Variants in PHACTR1 observed in about 807,000 individuals in gnomAD.
The protein encoded by PHACTR1 is phosphatase and actin regulator 1.
A neutral mutation model predicts 69.2 loss-of-function variants in PHACTR1; 16 were observed. The observed-to-expected ratio is 0.23, with a 90% confidence interval of 0.16 to 0.35. The LOEUF is 0.35. Ranked by LOEUF, PHACTR1 falls within the 10% of genes least tolerant of loss-of-function variation. The pLI is 1.00. For synonymous variants in PHACTR1, 312 were observed against 284.5 expected, an observed-to-expected ratio of 1.10 and a Z score of -0.97; for missense variants, 510 against 734.7, an observed-to-expected ratio of 0.69 and a Z score of 3.54.
At chr6:12,916,793 C>A (rs1033242056) in intron 4 of PHACTR1, among the ~76,000 whole-genome samples, 10 of 152,120 alleles carry the variant, frequency 6.6e-5, no homozygotes, top group Non-Finnish European at 8.8e-5. Context: ...TAATATAAAG[C>A]ATAATGTTGA....
At chr6:13,024,080 GAAA>G (rs59385709) in intron 4 of PHACTR1, among the ~76,000 whole-genome samples, 2 of 131,216 alleles carry the variant, frequency 1.5e-5, no homozygotes, top group African/African-American at 5.4e-5. Flanking sequence ...CTGTCTCAAA[GAAA>G]AAAAAAAAAA....
chr6:12,798,039 GACACACAC>G (rs10529531), intron 4 of PHACTR1, among the ~76,000 whole-genome samples: 2 of 137,784 alleles, frequency 1.5e-5, no homozygotes, highest in South Asian at 2.4e-4. Context: ...TCATTTCCTA[GACACACAC>G]ACACACACAC....
chr6:13,129,564 A>AC (rs375724205), intron 5 of PHACTR1, among the ~76,000 whole-genome samples: 4 of 152,164 alleles, frequency 2.6e-5, no homozygotes, highest in African/African-American at 9.6e-5. Flanking sequence ...AAAAATAGGG[A>AC]CTTACATAAT....
At chr6:12,911,276 CTA>C (rs1264301177) in intron 4 of PHACTR1, among the ~76,000 whole-genome samples, 1 of 152,010 alleles carries the variant, frequency 6.6e-6, no homozygotes. Flanking sequence ...TGTGTTTCTT[CTA>C]GTTTCTGCAG....
intron 4 of PHACTR1, among the ~76,000 whole-genome samples, chr6:12,912,122 C>T (rs1236134469): frequency 2.0e-5 from 3 of 152,156 alleles, no homozygotes; most frequent in African/African-American, 4.8e-5. Context: ...CTCAGCCTCT[C>T]GAGTAGCTGG....
rs1767818221 is a variant in PHACTR1 at position 12,759,712 on chromosome 6, A to G, written c.250+9922A>G. On this transcript the variant is annotated intron_variant, in intron 4 of 14. Coordinates refer to ENST00000332995, the MANE Select transcript of PHACTR1 (RefSeq NM_030948.6). ...CTTTTTACCCACACAGTCATAAAAT[A>G]TAGTTTTTGATACTTTATGTAGTGA... Among the ~76,000 whole-genome samples, 4 of 152,206 alleles carry G rather than the reference A, an allele frequency of 2.6e-5. No individual in the cohort carries two copies. The South Asian group carries it at 8.3e-4, about 32-fold the overall frequency.
At chr6:12,837,322 A>T (rs1332494530) in intron 4 of PHACTR1, among the ~76,000 whole-genome samples, 1 of 152,232 alleles carries the variant, frequency 6.6e-6, no homozygotes, top group Non-Finnish European at 1.5e-5. Context: ...ATATACTTTT[A>T]AAATTACTGT....
At chr6:12,861,701 G>T (rs1780956654) in intron 4 of PHACTR1, among the ~76,000 whole-genome samples, 1 of 152,132 alleles carries the variant, frequency 6.6e-6, no homozygotes. Flanking sequence ...TCTTTAGACT[G>T]CAATTAACCA....
chr6:13,025,047 G>A (rs1801490692), intron 4 of PHACTR1, among the ~76,000 whole-genome samples: 1 of 152,170 alleles, frequency 6.6e-6, no homozygotes, highest in Non-Finnish European at 1.5e-5. Flanking sequence ...CTTGAGCCCA[G>A]GAGTTCAAGA....
At chr6:13,218,253 G>A in intron 8 of PHACTR1, among the ~76,000 whole-genome samples, 1 of 152,198 alleles carries the variant, frequency 6.6e-6, no homozygotes, top group East Asian at 1.9e-4. Flanking sequence ...CCCTACAAGA[G>A]TTTCAAAGGT....
chr6:12,985,541 A>AAATATATATATATAT (rs1179784179), intron 4 of PHACTR1, among the ~76,000 whole-genome samples: 1 of 132,768 alleles, frequency 7.5e-6, no homozygotes, highest in African/African-American at 2.9e-5. Flanking sequence ...AAAAAAAAAA[A>AAATATATATATATAT]ATATATATAT....
At chr6:13,124,528 G>A (rs996305363) in intron 5 of PHACTR1, among the ~76,000 whole-genome samples, 6 of 152,098 alleles carry the variant, frequency 3.9e-5, no homozygotes, top group Non-Finnish European at 8.8e-5. Context: ...TGGCCACTAA[G>A]ACAGTTCAAA....
chr6:13,219,211 T>C (rs1768213304), intron 8 of PHACTR1, among the ~76,000 whole-genome samples: 1 of 152,244 alleles, frequency 6.6e-6, no homozygotes, highest in African/African-American at 2.4e-5. Context: ...TCAGTGTTTC[T>C]TGTGTAAATA....
intron 4 of PHACTR1, among the ~76,000 whole-genome samples, chr6:12,763,868 C>T (rs2127614966): frequency 6.6e-6 from 1 of 151,916 alleles, no homozygotes; most frequent in African/African-American, 2.4e-5. Flanking sequence ...CCTTTGGTGG[C>T]AAGGGGCAGA....
chr6:12,773,860 T>C (rs894131734), intron 4 of PHACTR1, among the ~76,000 whole-genome samples: 28 of 152,236 alleles, frequency 1.8e-4, no homozygotes, highest in African/African-American at 6.3e-4. Context: ...CTTTTTTTCA[T>C]TTCTAGGGTA....
At chr6:13,125,385 G>A (rs1819378896) in intron 5 of PHACTR1, among the ~76,000 whole-genome samples, 2 of 151,186 alleles carry the variant, frequency 1.3e-5, no homozygotes, top group South Asian at 4.2e-4. Context: ...TTTGTATGTA[G>A]CTTGATTTTA....
chr6:12,772,145 A>G (rs1769466589), intron 4 of PHACTR1, among the ~76,000 whole-genome samples: 1 of 152,226 alleles, frequency 6.6e-6, no homozygotes, highest in African/African-American at 2.4e-5. Flanking sequence ...ACAGATGTCA[A>G]GAGAGGTTTG....
intron 5 of PHACTR1, among the ~76,000 whole-genome samples, chr6:13,117,151 A>G (rs9463450): frequency 0.026 from 3,927 of 152,260 alleles, 159 homozygotes; most frequent in African/African-American, 0.088. Flanking sequence ...AGCCGCTGAC[A>G]CTTTTCTTTG....
chr6:13,179,979 C>T lies in PHACTR1; in HGVS notation c.497-2540C>T, dbSNP rs537084274. On this transcript the variant is annotated intron_variant, in intron 6 of 14. Coordinates refer to ENST00000332995, the MANE Select transcript of PHACTR1 (RefSeq NM_030948.6). The surrounding 1 kb of genome is among the most constrained non-coding windows in gnomAD (Gnocchi z 4.2). ...AATTGCAGAAAAATTGTATGCAAGA[C>T]GATGGTCCTCACTGCATTTTTTTCA... Among the ~76,000 whole-genome samples the T allele has an allele frequency of 2.0e-4, 30 of 152,210 alleles. No individual in the cohort carries two copies. In the South Asian group the frequency reaches 2.9e-3, roughly 15 times the overall value.
Sources: gnomAD v4.1 joint callset for allele counts (sites outside exome capture counted in the v4.1 genomes callset) on GRCh38, gnomAD v4.1.1 for gene constraint, Gnocchi (gnomAD v3.1) non-coding constraint, MANE v1.5 for transcripts, NCBI Gene and HGNC (gene_info 2026-07-23, HGNC 2026-07-21) for gene names.